The following PPFIA2 variants were observed in gnomAD, a reference collection of about 807,000 sequenced individuals.
PPFIA2 encodes the protein liprin-alpha-2.
In PPFIA2, 46 loss-of-function variants were observed where a neutral mutation model predicts 175.5. The ratio of observed to expected loss-of-function variants is 0.26; its 90% CI spans 0.21 to 0.34. The LOEUF is 0.34. PPFIA2 is among the 10% of genes least tolerant of loss of function. The pLI is 1.00. For missense variants in PPFIA2, 1,179 were observed against 1,506.1 expected, an observed-to-expected ratio of 0.78 and a Z score of 3.60; for synonymous variants, 568 against 511.4, an observed-to-expected ratio of 1.11 and a Z score of -1.49.
At chr12:81,289,832 T>C (rs1201366616) in intron 24 of PPFIA2, among the ~76,000 whole-genome samples, 1 of 151,860 alleles carries the variant, frequency 6.6e-6, no homozygotes, top group Non-Finnish European at 1.5e-5. Context: ...AATGCACTTA[T>C]TTTTGTTACA....
At chr12:81,616,526 G>A (rs1187662064) in intron 4 of PPFIA2, among the ~76,000 whole-genome samples, 2 of 152,024 alleles carry the variant, frequency 1.3e-5, no homozygotes, top group Non-Finnish European at 2.9e-5. Flanking sequence ...AGAACGTCAT[G>A]GATCACAACC....
In PPFIA2 at chr12:81,758,419, G is replaced by C. The variant is rs757204251; in HGVS notation, c.-22C>G. On this transcript the variant is annotated 5_prime_UTR_variant, in exon 2 of 33. Transcript: ENST00000549396. ...CTGTACCTAATGTCTGTGATTTCGG[G>C]TCCTTGCTTCTTCAATTGATCAATG... The C allele has an allele frequency of 4.4e-6, 2 of 456,550 alleles. No homozygotes were observed. The highest frequency in any genetic ancestry group is 3.1e-5 in the South Asian group (2 of 64,558). The allele number at this position is 456,550 out of a possible 1,614,324, so 28.3% of individuals were successfully genotyped here.
chr12:81,705,341 A>C (rs1403077922), intron 3 of PPFIA2, among the ~76,000 whole-genome samples: 1 of 151,006 alleles, frequency 6.6e-6, no homozygotes, highest in Non-Finnish European at 1.5e-5. Context: ...CTGTAATCCC[A>C]GCTACAGAGG....
intron 22 of PPFIA2, among the ~76,000 whole-genome samples, chr12:81,304,675 A>C (rs560358304): frequency 6.6e-6 from 1 of 152,184 alleles, no homozygotes; most frequent in South Asian, 2.1e-4. Context: ...TAAATGTTTG[A>C]GCAACTGATA....
rs552796761 is a variant in PPFIA2, at chr12:81,324,561, G to C, written c.2642+1216C>G. Among the ~76,000 whole-genome samples the C allele has an allele frequency of 1.1e-3, 167 of 152,020 alleles. 1 individual carries two copies. The highest frequency in any genetic ancestry group is 4.0e-3 in the African/African-American group (167 of 41,536). ...CGAACATTTAAAAATCTTAACAAAG[G>C]AAAGTATTTTTTAGAAGAATGTTTT... On this transcript the variant is annotated intron_variant, in intron 22 of 32. Coordinates refer to ENST00000549396, the MANE Select transcript of PPFIA2 (RefSeq NM_003625.5).
At chr12:81,537,756 C>G (rs2065620174) in intron 4 of PPFIA2, among the ~76,000 whole-genome samples, 1 of 151,798 alleles carries the variant, frequency 6.6e-6, no homozygotes, top group Non-Finnish European at 1.5e-5. Context: ...GGGCCTGACA[C>G]CATGCCTGGC....
In PPFIA2 at chr12:81,358,125, C is replaced by G. The variant is rs1566415459; in HGVS notation, c.1730G>C (p.Arg577Thr). The G allele has an allele frequency of 6.2e-7, 1 of 1,603,020 alleles. No homozygotes were observed. The highest frequency in any genetic ancestry group is 1.7e-5 in the Admixed American group (1 of 58,980). The change falls in exon 16 of 33, where the codon AGA (arginine) becomes ACA (threonine). Residue 577 changes from arginine to threonine, a missense_variant. Around this residue, in one of 10 missense-constraint regions of PPFIA2, gnomAD observed 186 missense variants for 163.6 expected, o/e 1.14. Transcript: ENST00000549396. ...SDYRTTKVIR[R>T]PRRGRMGVRR... is the part of the protein sequence containing the mutation. ...CACACCCATGCGGCCTCTCCTTGGT[C>G]TTCTTATTACTTTAGTTGTTCTGTA...
chr12:81,494,239 AT>A (rs1323634131), intron 4 of PPFIA2, among the ~76,000 whole-genome samples: 1 of 152,036 alleles, frequency 6.6e-6, no homozygotes, highest in Non-Finnish European at 1.5e-5. Context: ...ACTCAAACAA[AT>A]TTACAAGAAA....
chr12:81,666,539 C>T (rs1160451252), intron 4 of PPFIA2, among the ~76,000 whole-genome samples: 2 of 152,058 alleles, frequency 1.3e-5, no homozygotes, highest in African/African-American at 4.8e-5. Context: ...CATGTTCTCA[C>T]TCATAGGTGG....
At chr12:81,446,302 G>A (rs2051239947) in intron 5 of PPFIA2, among the ~76,000 whole-genome samples, 1 of 152,206 alleles carries the variant, frequency 6.6e-6, no homozygotes, top group South Asian at 2.1e-4. Flanking sequence ...TAAGGATACA[G>A]TTTTAAATTG....
rs370798467 is a variant in PPFIA2 at position 81,736,276 on chromosome 12, A to T, written c.249+17697T>A. On this transcript the variant is annotated intron_variant, in intron 3 of 32. Transcript: ENST00000549396. Reference sequence around the variant, plus strand: ...ACAAGCCTTGCATGTATTTTGTTTAATTTACTCTTAAGTATTTCATTATTT... The same window carrying T: ...ACAAGCCTTGCATGTATTTTGTTTATTTTACTCTTAAGTATTTCATTATTT... Among the ~76,000 whole-genome samples the T allele has an allele frequency of 1.7e-3, 264 of 152,020 alleles. 1 individual carries two copies. The highest frequency in any genetic ancestry group is 6.2e-3 in the African/African-American group (257 of 41,490).
At chr12:81,352,961 T>C (rs1005950080) in intron 17 of PPFIA2, among the ~76,000 whole-genome samples, 158 bp downstream of exon 17, 4 of 152,194 alleles carry the variant, frequency 2.6e-5, no homozygotes, top group Non-Finnish European at 5.9e-5. Context: ...CTTCTGAAAA[T>C]ACACATTCTG....
At chr12:81,663,744 C>T (rs1272651593) in intron 4 of PPFIA2, among the ~76,000 whole-genome samples, 1 of 151,990 alleles carries the variant, frequency 6.6e-6, no homozygotes, top group Non-Finnish European at 1.5e-5. Flanking sequence ...AATCCTAAGC[C>T]AAAAGAACAA....
At chr12:81,598,290 A>C (rs1324589157) in intron 4 of PPFIA2, 1 of 1,221,870 alleles carries the variant, frequency 8.2e-7, no homozygotes, top group Non-Finnish European at 1.0e-6. Context: ...AATTAAAAAC[A>C]CAGAAGGAAA....
In PPFIA2 at chr12:81,281,362, T is replaced by C. The variant is rs1487344733; in HGVS notation, c.3107A>G (p.Gln1036Arg). The change falls in exon 27 of 33, where the codon CAG (glutamine) becomes CGG (arginine). Residue 1036 changes from glutamine (Q) to arginine (R), a missense_variant. Gln to Arg is a conservative substitution (Grantham distance 43). This residue lies in a region of PPFIA2 where 245 missense variants were observed against 375.1 expected (regional missense o/e 0.65). Transcript: ENST00000549396. ...GCATTCCATAAAGTAACTTCTGTACTGAGGTAACCCCAAGCTGGGAAGCCA... is the reference window on the plus strand; with the variant it reads ...GCATTCCATAAAGTAACTTCTGTACCGAGGTAACCCCAAGCTGGGAAGCCA... Reference protein sequence around the residue: ...NEWLPSLGLPQYRSYFMECLV... With the variant: ...NEWLPSLGLPRYRSYFMECLV... The C allele has an allele frequency of 6.2e-7, 1 of 1,610,692 alleles. No homozygotes were observed. Among genetic ancestry groups the C allele is most frequent in the Admixed American group, 1.7e-5 (1 of 59,956 alleles).
At chr12:81,672,405 G>T (rs1455875705) in intron 4 of PPFIA2, among the ~76,000 whole-genome samples, 1 of 151,726 alleles carries the variant, frequency 6.6e-6, no homozygotes, top group Non-Finnish European at 1.5e-5. Flanking sequence ...AAATTCTGTG[G>T]TGTGTTTATC....
chr12:81,669,536 C>T (rs1056797539), intron 4 of PPFIA2, among the ~76,000 whole-genome samples: 8 of 151,888 alleles, frequency 5.3e-5, no homozygotes, highest in African/African-American at 1.9e-4. Context: ...AACAATCATC[C>T]TATAGGATCA....
chr12:81,364,433 G>A (rs1033783737), intron 14 of PPFIA2, among the ~76,000 whole-genome samples: 11 of 151,642 alleles, frequency 7.3e-5, no homozygotes, highest in Non-Finnish European at 1.5e-4. Context: ...ACTGAAACTG[G>A]AGTGCAGTTC....
chr12:81,373,680 C>A, intron 11 of PPFIA2, among the ~76,000 whole-genome samples: 1 of 151,498 alleles, frequency 6.6e-6, no homozygotes, highest in South Asian at 2.1e-4. Flanking sequence ...ACAGGAAGAT[C>A]AGTCCACTGT....
Sources: gnomAD v4.1 joint callset for allele counts (sites outside exome capture counted in the v4.1 genomes callset) on GRCh38, gnomAD v4.1.1 for gene constraint, gnomAD v4.1.1 regional missense constraint, MANE v1.5 for transcripts, NCBI Gene and HGNC (gene_info 2026-07-23, HGNC 2026-07-21) for gene names.